Variants in KALRN observed in about 807,000 individuals in gnomAD.
KALRN encodes kalirin.
A neutral mutation model predicts 353.7 loss-of-function variants in KALRN; 70 were observed. That is an observed-to-expected ratio of 0.20 (90% CI 0.16 to 0.24). The LOEUF (loss-of-function observed/expected upper bound fraction) is 0.24, where lower values mean the gene tolerates loss of function less well. KALRN is among the 10% of genes least tolerant of loss of function. The probability of loss-of-function intolerance (pLI) is 1.00; values close to 1 mark genes in which losing one functional copy is unlikely to be tolerated. For missense variants in KALRN, 2,791 were observed against 3,756.7 expected (o/e 0.74, Z 6.72); for synonymous variants, 1,391 against 1,434.8 (o/e 0.97, Z 0.69).
chr3:124,414,832 A>G (rs953404751), intron 14 of KALRN, among the ~76,000 whole-genome samples: 11 of 152,236 alleles, frequency 7.2e-5, no homozygotes, highest in African/African-American at 2.4e-4. Context: ...AGCTAAGGCC[A>G]TCAACTATAA....
intron 33 of KALRN, chr3:124,519,623 T>TG: frequency 1.0e-6 from 1 of 985,408 alleles, no homozygotes; most frequent in Non-Finnish European, 1.2e-6. Flanking sequence ...AATCTTATTG[T>TG]GAGGATGTGA....
chr3:124,190,708 G>A (rs571490308), intron 1 of KALRN, among the ~76,000 whole-genome samples: 1 of 152,314 alleles, frequency 6.6e-6, no homozygotes, highest in Non-Finnish European at 1.5e-5. Context: ...TTACAGTAGA[G>A]ATAGGAAAAT....
intron 1 of KALRN, among the ~76,000 whole-genome samples, chr3:124,144,783 A>C (rs2067119055): frequency 6.6e-6 from 1 of 152,084 alleles, no homozygotes; most frequent in African/African-American, 2.4e-5. Context: ...TAAACGAGTC[A>C]CTTTTTACAG....
chr3:124,133,333 C>G (rs931980672), intron 1 of KALRN, among the ~76,000 whole-genome samples: 1 of 151,884 alleles, frequency 6.6e-6, no homozygotes, highest in Non-Finnish European at 1.5e-5. Context: ...CTTCCTCTCT[C>G]CCCCACCTCA....
chr3:124,230,864 A>C (rs3772726), intron 2 of KALRN, among the ~76,000 whole-genome samples: 14,050 of 130,008 alleles, frequency 0.11, 1,053 homozygotes, highest in African/African-American at 0.19. Context: ...AACCAAAAAA[A>C]AAAAAAACAA....
intron 1 of KALRN, among the ~76,000 whole-genome samples, chr3:124,170,398 T>G (rs924474349): frequency 6.6e-6 from 1 of 152,226 alleles, no homozygotes; most frequent in Non-Finnish European, 1.5e-5. Flanking sequence ...TTTTACTTAT[T>G]AAGAAACTGA....
chr3:124,646,408 T>TTTTTTTTTTTTTTTTTTC (rs2082732158), intron 37 of KALRN, among the ~76,000 whole-genome samples: 1 of 148,938 alleles, frequency 6.7e-6, no homozygotes, highest in Admixed American at 6.7e-5. Flanking sequence ...TTTTTTTTTT[T>TTTTTTTTTTTTTTTTTTC]GAGACAGAGC....
chr3:124,049,976 G>A (rs1480084612), intron 1 of KALRN, among the ~76,000 whole-genome samples: 3 of 152,064 alleles, frequency 2.0e-5, no homozygotes, highest in Non-Finnish European at 2.9e-5. Flanking sequence ...TTTCATTTAG[G>A]TAAATTGCTC....
intron 18 of KALRN, among the ~76,000 whole-genome samples, chr3:124,441,498 T>C (rs1271310797): frequency 6.6e-6 from 1 of 152,184 alleles, no homozygotes; most frequent in African/African-American, 2.4e-5. Flanking sequence ...CTGCTCCTTC[T>C]AGATTCCTTC....
At chr3:124,417,735 G>T (rs780833019) in intron 14 of KALRN, among the ~76,000 whole-genome samples, 2 of 152,152 alleles carry the variant, frequency 1.3e-5, no homozygotes, top group African/African-American at 4.8e-5. Flanking sequence ...GTACATGTTC[G>T]CCTGTCTCTC....
chr3:124,549,832 A>G (rs986368156), intron 33 of KALRN, among the ~76,000 whole-genome samples: 1 of 152,124 alleles, frequency 6.6e-6, no homozygotes, highest in African/African-American at 2.4e-5. Context: ...GAGATGGAAC[A>G]TTGCCCATCC....
chr3:124,498,350 A>G (rs1001238775), intron 33 of KALRN, among the ~76,000 whole-genome samples: 1 of 152,076 alleles, frequency 6.6e-6, no homozygotes, highest in Non-Finnish European at 1.5e-5. Context: ...TTTTTGTTTC[A>G]TGTCTGTCTC....
In KALRN at chr3:124,329,873, G is replaced by A. The variant is rs780720857; in HGVS notation, c.1297G>A (p.Val433Met). The A allele has an allele frequency of 4.3e-6, 7 of 1,613,790 alleles. No homozygotes were observed. In the South Asian group the frequency reaches 4.4e-5, roughly 10 times the overall value. ...CATCTCCTTCCAGTTCCTGTCGGGAGTGGATGCCTGGTGCAAGATGTGCAG... is the reference window on the plus strand; with the variant it reads ...CATCTCCTTCCAGTTCCTGTCGGGAATGGATGCCTGGTGCAAGATGTGCAG... ...HQKAEQFLSG[V>M]DAWCKMCSEG... The change falls in exon 8 of 60, where the codon GTG becomes ATG. Residue 433 changes from valine to methionine, a missense_variant. Around this residue, in one of 11 missense-constraint regions of KALRN, gnomAD observed 366 missense variants for 489.2 expected, o/e 0.75. Transcript: ENST00000682506.
intron 1 of KALRN, among the ~76,000 whole-genome samples, chr3:124,087,786 C>G (rs986877305): frequency 6.6e-6 from 1 of 152,114 alleles, no homozygotes; most frequent in Non-Finnish European, 1.5e-5. Context: ...CATGGCCTTT[C>G]CATGTAGCTT....
chr3:124,155,554 A>G (rs1380644755), intron 1 of KALRN, among the ~76,000 whole-genome samples: 1 of 152,242 alleles, frequency 6.6e-6, no homozygotes, highest in East Asian at 1.9e-4. Flanking sequence ...CTCCAAGTAA[A>G]ATAACTTTAA....
At chr3:124,461,868 A>G in intron 23 of KALRN, 22 bp from the exon 24 acceptor site, 1 of 1,592,038 alleles carries the variant, frequency 6.3e-7, no homozygotes. Context: ...ATCCAAGTAA[A>G]AGCCCATTTG....
intron 19 of KALRN, among the ~76,000 whole-genome samples, chr3:124,442,861 T>C (rs2093710306): frequency 6.6e-6 from 1 of 152,094 alleles, no homozygotes; most frequent in South Asian, 2.1e-4. Context: ...GGCGTGCCTA[T>C]AGCTCTAGTT....
chr3:124,216,679 G>C (rs2077367460), intron 1 of KALRN, among the ~76,000 whole-genome samples: 1 of 152,184 alleles, frequency 6.6e-6, no homozygotes, highest in Admixed American at 6.5e-5. Flanking sequence ...GAGATATTCA[G>C]ATCACCCCTT....
intron 1 of KALRN, chr3:124,162,412 T>G (rs1193171031): frequency 1.3e-5 from 2 of 152,134 alleles, no homozygotes; most frequent in African/African-American, 4.8e-5. Context: ...AACTTGAGAT[T>G]CACAAAGAAA....
Sources: gnomAD v4.1 joint callset for allele counts (sites outside exome capture counted in the v4.1 genomes callset) on GRCh38, gnomAD v4.1.1 for gene constraint, gnomAD v4.1.1 regional missense constraint, MANE v1.5 for transcripts, NCBI Gene and HGNC (gene_info 2026-07-23, HGNC 2026-07-21) for gene names.